Variants in FER observed in about 807,000 individuals in gnomAD.
The protein encoded by FER is tyrosine-protein kinase Fer.
In FER, 63 loss-of-function variants were observed where a neutral mutation model predicts 111.0. The observed-to-expected ratio is 0.57, with a 90% confidence interval of 0.46 to 0.70. The LOEUF is 0.70. FER is among the 30% of genes least tolerant of loss of function. FER has a pLI of 0.00. For synonymous variants in FER, 327 were observed against 313.9 expected, an observed-to-expected ratio of 1.04 and a Z score of -0.44; for missense variants, 914 against 954.0, an observed-to-expected ratio of 0.96 and a Z score of 0.55.
At chr5:108,918,878 A>C (rs768657377) in intron 10 of FER, among the ~76,000 whole-genome samples, 17 of 152,178 alleles carry the variant, frequency 1.1e-4, no homozygotes, top group Non-Finnish European at 4.4e-5. Flanking sequence ...TTCTGTGTGG[A>C]GTTCTCAATT....
intron 1 of FER, among the ~76,000 whole-genome samples, chr5:108,755,355 T>C (rs1017946518): frequency 1.8e-4 from 28 of 152,342 alleles, no homozygotes; most frequent in African/African-American, 6.7e-4. Flanking sequence ...TTCTGTAGTA[T>C]GTGTCCTTTC....
chr5:109,054,722 A>G (rs966501759), intron 16 of FER, among the ~76,000 whole-genome samples: 4 of 152,188 alleles, frequency 2.6e-5, no homozygotes, highest in African/African-American at 9.6e-5. Context: ...TTTAAAATTT[A>G]TATTTGAGTG....
chr5:108,848,557 A>G (rs1762248333), intron 5 of FER, among the ~76,000 whole-genome samples: 1 of 152,066 alleles, frequency 6.6e-6, no homozygotes. Context: ...TATATATACC[A>G]TGTATATAGT....
chr5:108,999,997 A>G (rs1581586678), intron 13 of FER, among the ~76,000 whole-genome samples: 3 of 151,944 alleles, frequency 2.0e-5, no homozygotes, highest in Admixed American at 6.6e-5. Context: ...CTCTTCTCTG[A>G]AAGTATTTAT....
chr5:108,797,932 C>T (rs1006954266), intron 2 of FER, among the ~76,000 whole-genome samples, 192 bp from the exon 3 acceptor site: 11 of 152,046 alleles, frequency 7.2e-5, no homozygotes, highest in Non-Finnish European at 1.6e-4. Flanking sequence ...ACTGTAATGG[C>T]TAAGACCTCT....
At chr5:109,159,844 G>T (rs1416930260) in intron 17 of FER, among the ~76,000 whole-genome samples, 1 of 152,192 alleles carries the variant, frequency 6.6e-6, no homozygotes, top group Non-Finnish European at 1.5e-5. Flanking sequence ...CACAAAAATA[G>T]TCTGTGGCAG....
At chr5:108,957,837 T>C (rs1758631888) in intron 12 of FER, among the ~76,000 whole-genome samples, 1 of 151,658 alleles carries the variant, frequency 6.6e-6, no homozygotes, top group African/African-American at 2.4e-5. Context: ...GGTACAAATA[T>C]TATCTCTGTT....
intron 13 of FER, among the ~76,000 whole-genome samples, chr5:109,029,245 CTT>C (rs367692424): frequency 7.9e-6 from 1 of 125,908 alleles, no homozygotes; most frequent in African/African-American, 3.0e-5. Flanking sequence ...TTCTTCTTAC[CTT>C]TTTTTTTTTA....
chr5:108,775,229 C>T (rs1428869840), intron 2 of FER, among the ~76,000 whole-genome samples: 1 of 152,116 alleles, frequency 6.6e-6, no homozygotes, highest in African/African-American at 2.4e-5. Context: ...TCTGAGGTCC[C>T]TGTTCTGTTC....
chr5:109,035,628 T>A (rs1770277800), intron 13 of FER, among the ~76,000 whole-genome samples: 1 of 152,220 alleles, frequency 6.6e-6, no homozygotes, highest in African/African-American at 2.4e-5. Context: ...GGATATGTTT[T>A]CATTTATCTT....
At chr5:108,929,805 A>G (rs775472087) in intron 10 of FER, among the ~76,000 whole-genome samples, 19 of 152,308 alleles carry the variant, frequency 1.2e-4, no homozygotes, top group Non-Finnish European at 2.5e-4. Context: ...TACAGATAGA[A>G]GTAATTACAA....
chr5:108,867,252 A>G (rs1350862974), intron 5 of FER, among the ~76,000 whole-genome samples: 2 of 152,136 alleles, frequency 1.3e-5, no homozygotes, highest in Non-Finnish European at 2.9e-5. Flanking sequence ...GAATGAAGGG[A>G]AAAAAGGAAG....
chr5:108,821,943 T>G (rs1425783330), intron 3 of FER, among the ~76,000 whole-genome samples: 1 of 152,150 alleles, frequency 6.6e-6, no homozygotes, highest in Non-Finnish European at 1.5e-5. Context: ...GTACATTAGA[T>G]CTTCAGGACT....
At chr5:108,857,918 C>T (rs1422038565) in intron 5 of FER, among the ~76,000 whole-genome samples, 1 of 152,134 alleles carries the variant, frequency 6.6e-6, no homozygotes, top group Non-Finnish European at 1.5e-5. Context: ...TTTTCTGGCT[C>T]ATCTTATACT....
At chr5:108,837,841 G>T (rs1219818480) in intron 5 of FER, among the ~76,000 whole-genome samples, 2 of 152,082 alleles carry the variant, frequency 1.3e-5, no homozygotes, top group South Asian at 4.1e-4. Context: ...AGAATCTGAA[G>T]ATCATACTTG....
intron 13 of FER, among the ~76,000 whole-genome samples, chr5:108,969,138 A>C (rs1466865019): frequency 6.6e-6 from 1 of 152,192 alleles, no homozygotes; most frequent in Non-Finnish European, 1.5e-5. Context: ...AATCTGTCAA[A>C]ACTGTAAAAT....
chr5:109,004,957 C>G (rs1404195511), intron 13 of FER, among the ~76,000 whole-genome samples: 1 of 151,512 alleles, frequency 6.6e-6, no homozygotes, highest in Non-Finnish European at 1.5e-5. Flanking sequence ...AAAAGAACTA[C>G]TGATAAAAGC....
intron 16 of FER, among the ~76,000 whole-genome samples, chr5:109,049,763 A>G (rs1192309193): frequency 6.6e-6 from 1 of 152,206 alleles, no homozygotes; most frequent in African/African-American, 2.4e-5. Context: ...GAAAAGTGTC[A>G]TACTCAGCAT....
At chr5:109,067,263 GC>G (rs1775214919) in intron 16 of FER, among the ~76,000 whole-genome samples, 1 of 147,912 alleles carries the variant, frequency 6.8e-6, no homozygotes. Context: ...TGTTGTTGTT[GC>G]TGTTGCTGCT....
Sources: gnomAD v4.1 joint callset for allele counts (sites outside exome capture counted in the v4.1 genomes callset) on GRCh38, gnomAD v4.1.1 for gene constraint, MANE v1.5 for transcripts, NCBI Gene and HGNC (gene_info 2026-07-23, HGNC 2026-07-21) for gene names.